Variants in SLC25A48 observed in about 807,000 individuals in gnomAD.
SLC25A48 encodes solute carrier family 25 member 48, also known as CTC-321K16.1.
SLC25A48 carries 29 observed loss-of-function variants against 32.2 expected under a neutral mutation model. That is an observed-to-expected ratio of 0.90 (90% CI 0.67 to 1.23). SLC25A48 has a LOEUF of 1.23. SLC25A48 is among the 50% of genes most tolerant of loss of function. SLC25A48 has a pLI of 0.00. For synonymous variants in SLC25A48, 164 were observed against 172.3 expected, an observed-to-expected ratio of 0.95 and a Z score of 0.38; for missense variants, 399 against 422.7, an observed-to-expected ratio of 0.94 and a Z score of 0.49.
chr5:135,595,048 G>C (rs1218938918), intron 1 of SLC25A48, among the ~76,000 whole-genome samples: 2 of 152,180 alleles, frequency 1.3e-5, no homozygotes, highest in African/African-American at 4.8e-5. Context: ...GGCCTGCTTG[G>C]ATCTGAGGCT....
chr5:135,743,466 GC>G (rs1395288445), intron 3 of SLC25A48, among the ~76,000 whole-genome samples: 1 of 152,078 alleles, frequency 6.6e-6, no homozygotes, highest in East Asian at 1.9e-4. Flanking sequence ...ACAGAGGACA[GC>G]CCCCCACAAC....
chr5:135,646,800 G>A (rs1561773235), intron 3 of SLC25A48, among the ~76,000 whole-genome samples: 1 of 151,164 alleles, frequency 6.6e-6, no homozygotes, highest in Non-Finnish European at 1.5e-5. Context: ...GTAGAATGGT[G>A]TTTGCCAGTG....
chr5:135,783,792 G>A (rs1180960832), intron 3 of SLC25A48, among the ~76,000 whole-genome samples: 2 of 119,174 alleles, frequency 1.7e-5, no homozygotes, highest in Admixed American at 1.7e-4. Flanking sequence ...CATCCACCCT[G>A]TAATATCATT....
intron 3 of SLC25A48, among the ~76,000 whole-genome samples, chr5:135,672,655 G>A (rs763664534): frequency 6.6e-5 from 10 of 152,314 alleles, no homozygotes; most frequent in East Asian, 1.9e-4. Flanking sequence ...AAATGAACAC[G>A]TAACATCCCC....
intron 3 of SLC25A48, among the ~76,000 whole-genome samples, chr5:135,756,285 T>C (rs1755901354): frequency 7.4e-6 from 1 of 134,742 alleles, no homozygotes; most frequent in South Asian, 2.5e-4. Context: ...TTAAGAAAAA[T>C]ATCATCTTTG....
intron 3 of SLC25A48, among the ~76,000 whole-genome samples, chr5:135,725,057 A>G (rs539027469): frequency 1.5e-4 from 23 of 152,356 alleles, no homozygotes; most frequent in South Asian, 1.5e-3. Flanking sequence ...CACAAGTAGT[A>G]AAAATCCTGA....
intron 4 of SLC25A48, among the ~76,000 whole-genome samples, chr5:135,825,317 C>T (rs1453726326): frequency 1.3e-5 from 2 of 152,194 alleles, no homozygotes; most frequent in South Asian, 2.1e-4. Flanking sequence ...GCCAAGGGCA[C>T]ATAGCTAGCA....
intron 4 of SLC25A48, among the ~76,000 whole-genome samples, chr5:135,867,259 T>C (rs551247320): frequency 6.6e-6 from 1 of 152,314 alleles, no homozygotes; most frequent in South Asian, 2.1e-4. Flanking sequence ...GTTGGCAGTT[T>C]CCTGTGAGCT....
chr5:135,653,225 G>A (rs1337842167), intron 3 of SLC25A48, among the ~76,000 whole-genome samples: 1 of 152,134 alleles, frequency 6.6e-6, no homozygotes, highest in Non-Finnish European at 1.5e-5. Context: ...AAACAGACCA[G>A]GACAAGGCCA....
At chr5:135,673,947 TTCTTATA>T (rs139632496) in intron 3 of SLC25A48, among the ~76,000 whole-genome samples, 5,867 of 152,036 alleles carry the variant, frequency 0.039, 142 homozygotes, top group African/African-American at 0.071. Flanking sequence ...TATTTGATTG[TTCTTATA>T]CAAGTTGTTC....
chr5:135,860,175 C>T (rs1187035873), intron 4 of SLC25A48, among the ~76,000 whole-genome samples: 1 of 152,202 alleles, frequency 6.6e-6, no homozygotes, highest in East Asian at 1.9e-4. Context: ...GATTAGGTTG[C>T]CCCCACTGCC....
chr5:135,730,656 G>A (rs1343357101), intron 3 of SLC25A48, among the ~76,000 whole-genome samples: 3 of 152,238 alleles, frequency 2.0e-5, no homozygotes, highest in Non-Finnish European at 4.4e-5. Context: ...ACAGGCAGAG[G>A]TTGGAGTAGT....
intron 3 of SLC25A48, chr5:135,650,038 C>T (rs1232600443): frequency 6.2e-6 from 1 of 162,108 alleles, no homozygotes; most frequent in Non-Finnish European, 1.4e-5. Context: ...AGGCCATTCT[C>T]ATAGTTCGCC....
At chr5:135,830,289 G>A (rs1460641217), upstream of SLC25A48, among the ~76,000 whole-genome samples, 2 of 152,186 alleles carry the variant, frequency 1.3e-5, no homozygotes, top group Non-Finnish European at 2.9e-5. Flanking sequence ...CTCTCCTGGC[G>A]CATCTTGATG....
chr5:135,723,414 A>C (rs1462881035), intron 3 of SLC25A48, among the ~76,000 whole-genome samples: 1 of 145,714 alleles, frequency 6.9e-6, no homozygotes, highest in African/African-American at 2.5e-5. Flanking sequence ...ACACACACAC[A>C]ATGGGGAGGG....
chr5:135,794,031 A>G (rs947414669), intron 3 of SLC25A48, among the ~76,000 whole-genome samples: 15 of 151,864 alleles, frequency 9.9e-5, no homozygotes, highest in African/African-American at 3.6e-4. Context: ...GGGAAATTAT[A>G]TTACTCCTAA....
intron 1 of SLC25A48, among the ~76,000 whole-genome samples, chr5:135,590,695 G>C (rs1167190459): frequency 2.0e-5 from 3 of 152,130 alleles, no homozygotes; most frequent in Non-Finnish European, 4.4e-5. Flanking sequence ...CAACACCTAT[G>C]CTGGGGGTTA....
In SLC25A48 at chr5:135,821,583, A is replaced by C. The variant is rs184824823; in HGVS notation, c.-117+8657A>C. The C allele has an allele frequency of 2.0e-5, 3 of 152,376 alleles. No homozygotes were observed. The East Asian group carries it at 5.8e-4, about 29-fold the overall frequency. 9.4% of individuals were successfully genotyped at this position (152,376 alleles called of 1,614,324 possible). A position where few individuals can be genotyped will look rare whatever the true frequency, so the allele number is the denominator to read the frequency against. ...ACTGGCCCCCAGTCATGAAGAACTG[A>C]TCAGATTCCAGAAGATGTTTGCATT... On this transcript the variant is annotated intron_variant, in intron 4 of 10. Coordinates refer to the SLC25A48 transcript ENST00000646290.
At chr5:135,790,114 T>C (rs1483674441) in intron 3 of SLC25A48, among the ~76,000 whole-genome samples, 1 of 151,616 alleles carries the variant, frequency 6.6e-6, no homozygotes, top group African/African-American at 2.4e-5. Flanking sequence ...ATATGATGAA[T>C]GATATCTATT....
Sources: allele counts gnomAD v4.1 joint callset (sites outside exome capture counted in the v4.1 genomes callset), GRCh38; gene constraint gnomAD v4.1.1; transcripts MANE v1.5; gene names NCBI Gene and HGNC (gene_info 2026-07-23, HGNC 2026-07-21).